Variants in KIF21B observed in about 807,000 individuals in gnomAD.
KIF21B encodes kinesin-like protein KIF21B.
In KIF21B, 85 loss-of-function variants were observed where a neutral mutation model predicts 192.9. That is an observed-to-expected ratio of 0.44 (90% CI 0.37 to 0.53). The LOEUF (loss-of-function observed/expected upper bound fraction) is 0.53, where lower values mean the gene tolerates loss of function less well. Among genes scored for constraint, KIF21B ranks in the 20% least tolerant of loss-of-function variants. The probability of loss-of-function intolerance (pLI) is 0.00; values close to 1 mark genes in which losing one functional copy is unlikely to be tolerated. For missense variants in KIF21B, 1,716 were observed against 2,194.8 expected (o/e 0.78, Z 4.36); for synonymous variants, 832 against 884.6 (o/e 0.94, Z 1.05).
At chr1:201,003,809 G>T in intron 7 of KIF21B, 28 bp from the exon 8 acceptor site, 2 of 1,612,104 alleles carry the variant, frequency 1.2e-6, no homozygotes, top group Non-Finnish European at 1.7e-6. Context: ...CTGTTGTGAG[G>T]GTGAGGGACA....
chr1:201,008,489 GTCACAAGGCTAA>G (rs1490048279), intron 3 of KIF21B, among the ~76,000 whole-genome samples: 1 of 152,170 alleles, frequency 6.6e-6, no homozygotes, highest in East Asian at 1.9e-4. Context: ...CTAGCCCAAG[GTCACAAGGCTAA>G]TCAGTGTCAG....
At chr1:201,020,518 G>A (rs1428399066) in intron 1 of KIF21B, among the ~76,000 whole-genome samples, 1 of 152,176 alleles carries the variant, frequency 6.6e-6, no homozygotes, top group Non-Finnish European at 1.5e-5. Flanking sequence ...GGAATCCCTT[G>A]GTGCAAAGCC....
rs755110188 is a variant in KIF21B, at chr1:201,009,333, G to A, written c.197C>T (p.Thr66Ile). 8.7e-6 allele frequency: 14 copies of A among 1,614,164 alleles called. No individual in the cohort carries two copies. The East Asian group carries it at 2.7e-4, about 31-fold the overall frequency. Residue 66 changes from threonine (T) to isoleucine (I), a missense_variant, in exon 2 of 35, where the codon ACC becomes ATC. This residue lies in a region of KIF21B where 1,087 missense variants were observed against 1,316.6 expected (regional missense o/e 0.83). Coordinates refer to ENST00000461742, the MANE Select transcript of KIF21B (RefSeq NM_001252102.2). ...LDTWQEQIYS[T>I]CVSKLIEGCF... ...GCCCTCGATGAGCTTGCTCACACAG[G>A]TGGAATAGATCTGTTCTTGCCAGGT... is the stretch of plus-strand genomic sequence containing the variant.
In KIF21B at chr1:201,010,450, C is replaced by T. The variant is rs1268458021; in HGVS notation, c.42-962G>A. ...CATCCAGCCACCCCTTCCTTTCTCT[C>T]CCAAGCAGCCATCACCACGACATGG... On this transcript the variant is annotated intron_variant, in intron 1 of 34. Transcript: ENST00000461742. Among the ~76,000 whole-genome samples the T allele has an allele frequency of 3.9e-5, 6 of 152,140 alleles. No individual in the cohort carries two copies. In the East Asian group the frequency reaches 1.2e-3, roughly 29 times the overall value.
At chr1:200,993,630 G>C (rs1208036740) in intron 15 of KIF21B, among the ~76,000 whole-genome samples, 1 of 152,040 alleles carries the variant, frequency 6.6e-6, no homozygotes, top group Admixed American at 6.6e-5. Flanking sequence ...TGTGCCCATA[G>C]TCCCACCTAC....
Position 200,973,551 on chromosome 1 carries a change from G to T in KIF21B, c.4842C>A (p.Val1614=), listed in dbSNP as rs1178758526. The part of the protein sequence containing the change: ...SSDLTVKFWS[V]RRLPHSGPP ...GTGGGCCGCTGTGGGGTAACCGCCG[G>T]ACACTCCAGAACTTCACCGTCAGGT... The change falls in exon 35 of 35, where the codon GTC becomes GTA. Residue 1614 remains valine, a synonymous_variant. Coordinates refer to ENST00000461742, the MANE Select transcript of KIF21B (RefSeq NM_001252102.2). 1.1e-5 allele frequency: 16 copies of T among 1,504,140 alleles called. No individual in the cohort carries two copies. The highest frequency in any genetic ancestry group is 1.2e-5 in the Non-Finnish European group (14 of 1,136,842). The allele number at this position is 1,504,140 out of a possible 1,614,324, so 93.2% of individuals were successfully genotyped here.
intron 28 of KIF21B, among the ~76,000 whole-genome samples, chr1:200,981,596 C>G (rs1432772846): frequency 6.6e-6 from 1 of 152,218 alleles, no homozygotes; most frequent in Non-Finnish European, 1.5e-5. Flanking sequence ...GCACCCTGAT[C>G]CCAGTAAACC....
chr1:200,991,670 C>T lies in KIF21B; in HGVS notation c.2441G>A (p.Arg814Lys). 1 of 1,614,116 alleles carries T rather than the reference C, an allele frequency of 6.2e-7. No homozygotes were observed. Among genetic ancestry groups the T allele is most frequent in the Non-Finnish European group, 8.5e-7 (1 of 1,180,036 alleles). ...QKRQQEMVLR[R>K]KTQEVSALRR... is the part of the protein sequence containing the mutation. ...GAGTGAGCTCACCTCCTGGGTCTTC[C>T]TCCTCAGGACCATCTCCTGCTGCCG... Residue 814 changes from arginine to lysine, a missense_variant, in exon 17 of 35, where the codon AGG (arginine) becomes AAG (lysine). Transcript: ENST00000461742.
At chr1:201,003,902 T>C in intron 7 of KIF21B, 121 bp from the exon 8 acceptor site, 4 of 1,017,138 alleles carry the variant, frequency 3.9e-6, no homozygotes, top group Non-Finnish European at 6.0e-6. Context: ...CCAAAGCACG[T>C]GGGCATTCAG....
chr1:200,999,481 C>A lies in KIF21B; in HGVS notation c.1768-15G>T. 1 of 1,612,354 alleles carries A rather than the reference C, an allele frequency of 6.2e-7. No homozygotes were observed. The highest frequency in any genetic ancestry group is 1.1e-5 in the South Asian group (1 of 90,824). On this transcript the variant is annotated splice_polypyrimidine_tract_variant and intron_variant, in intron 12 of 34. Transcript: ENST00000461742. This position sits in a 1 kb window ranked among gnomAD's most constrained non-coding sequence, Gnocchi z 4.7. Reference sequence around the variant, plus strand: ...TCTTCCTCCTCCTGGGCACCAGGCACCATTGGGGTGGGCCTGGCCTCAGAG... The same window carrying A: ...TCTTCCTCCTCCTGGGCACCAGGCAACATTGGGGTGGGCCTGGCCTCAGAG...
chr1:200,979,589 GA>G lies in KIF21B; in HGVS notation c.4105del (p.Ser1369ProfsTer24). On this transcript the variant is annotated frameshift_variant, in exon 30 of 35. Transcript: ENST00000461742. LOFTEE classifies it high-confidence loss of function. ...CCGGATGTCCCACACCTTGATGTAG[GA>G]GGTGGACACGGAGAACACAAGCCCC... The part of the protein sequence containing the change: ...HSGLVFSVST[S>X]YIKVWDIRDS... The G allele has an allele frequency of 6.3e-7, 1 of 1,591,946 alleles. No homozygotes were observed. The highest frequency in any genetic ancestry group is 8.6e-7 in the Non-Finnish European group (1 of 1,169,500).
chr1:201,018,383 T>C (rs548070297), intron 1 of KIF21B, among the ~76,000 whole-genome samples: 88 of 152,328 alleles, frequency 5.8e-4, no homozygotes, highest in African/African-American at 2.0e-3. Context: ...GCTAGGACCA[T>C]GGTGGTGCCA....
rs543715577 is a variant in KIF21B, at chr1:200,996,337, C to T, written c.2136G>A (p.Lys712=). 6.2e-7 allele frequency: 1 copy of T among 1,614,154 alleles called. No individual in the cohort carries two copies. Among genetic ancestry groups the T allele is most frequent in the Non-Finnish European group, 8.5e-7 (1 of 1,180,032 alleles). ...GGTCCCGGTTCATCTCCCGCAGCCT[C>T]TTCTCATAGTCTGCCTTGATCTTGT... ...KANKIKADYE[K]RLREMNRDLQ... is the part of the protein sequence containing the mutation. The change falls in exon 15 of 35, where the codon AAG becomes AAA. Residue 712 remains lysine (K), a synonymous_variant. Coordinates refer to ENST00000461742, the MANE Select transcript of KIF21B (RefSeq NM_001252102.2).
In KIF21B at chr1:200,990,490, G is replaced by A. The variant is rs1211591816; in HGVS notation, c.2835+86C>T. The stretch of plus-strand genomic sequence containing the variant: ...AAGGAGCAGAGGGAAGTGGGGCAGG[G>A]AAAGGTCTGAAGAGCCAGAGAAGTT... On this transcript the variant is annotated intron_variant, in intron 19 of 34. Transcript: ENST00000461742. This position sits in a 1 kb window ranked among gnomAD's most constrained non-coding sequence, Gnocchi z 5.4. 4.6e-6 allele frequency: 7 copies of A among 1,532,900 alleles called. No individual in the cohort carries two copies. The highest frequency in any genetic ancestry group is 6.2e-6 in the Non-Finnish European group (7 of 1,123,928). 95.0% of individuals were successfully genotyped at this position (1,532,900 alleles called of 1,614,324 possible).
chr1:201,007,339 G>C (rs977019861), intron 3 of KIF21B, among the ~76,000 whole-genome samples: 8 of 33,218 alleles, frequency 2.4e-4, no homozygotes, highest in Non-Finnish European at 2.6e-4. Context: ...CACACACACA[G>C]ACACAGAGAC....
rs1343815266 is a variant in KIF21B at position 200,992,371 on chromosome 1, T to C, written c.2296A>G (p.Met766Val). ...KKAKVALMKQ[M>V]REEQQRRRLV... Reference sequence around the variant, plus strand: ...CGCCGCCGCTGTTGCTCCTCACGCATCTGCTTCATCAGGGCCACCTGGGAT... The same window carrying C: ...CGCCGCCGCTGTTGCTCCTCACGCACCTGCTTCATCAGGGCCACCTGGGAT... Residue 766 changes from methionine to valine, a missense_variant, in exon 16 of 35, where the codon ATG (methionine) becomes GTG (valine). Coordinates refer to ENST00000461742, the MANE Select transcript of KIF21B (RefSeq NM_001252102.2). The C allele has an allele frequency of 6.2e-7, 1 of 1,613,092 alleles. No individual in the cohort carries two copies. Among genetic ancestry groups the C allele is most frequent in the Non-Finnish European group, 8.5e-7 (1 of 1,180,030 alleles).
At chr1:200,985,783 C>CCCCCTCCCCTCCCCT (rs1382642502) in intron 26 of KIF21B, among the ~76,000 whole-genome samples, 1 of 78,696 alleles carries the variant, frequency 1.3e-5, no homozygotes, top group Non-Finnish European at 2.3e-5. Flanking sequence ...CCCTCCCCTT[C>CCCCCTCCCCTCCCCT]CCCCTCCCCT....
rs1464303269 is a variant in KIF21B at position 200,974,772 on chromosome 1, G to A, written c.4756C>T (p.His1586Tyr). ...NFTPIGEIKG[H>Y]DSPINAICTN... ...CAGATGGCATTGATGGGACTGTCGTGGCCCTTGATCTCACCGATGGGTGTG... is the reference window on the plus strand; with the variant it reads ...CAGATGGCATTGATGGGACTGTCGTAGCCCTTGATCTCACCGATGGGTGTG... The change falls in exon 34 of 35, where the codon CAC becomes TAC. Residue 1586 changes from histidine to tyrosine, a missense_variant. Around this residue, in one of 3 missense-constraint regions of KIF21B, gnomAD observed 580 missense variants for 775.5 expected, o/e 0.75. Coordinates refer to ENST00000461742, the MANE Select transcript of KIF21B (RefSeq NM_001252102.2). 1.2e-6 allele frequency: 2 copies of A among 1,614,096 alleles called. No individual in the cohort carries two copies. Among genetic ancestry groups the A allele is most frequent in the Admixed American group, 1.7e-5 (1 of 60,008 alleles).
intron 1 of KIF21B, among the ~76,000 whole-genome samples, chr1:201,022,915 G>C (rs556462168): frequency 2.2e-4 from 34 of 152,344 alleles, no homozygotes; most frequent in African/African-American, 7.7e-4. Context: ...GCCTTTGCTA[G>C]CTGGACCAAG....
Sources: allele counts gnomAD v4.1 joint callset (sites outside exome capture counted in the v4.1 genomes callset), GRCh38; gene constraint gnomAD v4.1.1; regional missense constraint gnomAD v4.1.1; non-coding constraint Gnocchi (gnomAD v3.1); transcripts MANE v1.5; gene names NCBI Gene and HGNC (gene_info 2026-07-23, HGNC 2026-07-21).